The following SCN9A variants were observed in gnomAD, a reference collection of about 807,000 sequenced individuals.
SCN9A encodes sodium channel protein type 9 subunit alpha.
SCN9A carries 131 observed loss-of-function variants against 187.0 expected under a neutral mutation model. The ratio of observed to expected loss-of-function variants is 0.70; its 90% CI spans 0.61 to 0.81. SCN9A has a LOEUF of 0.81. SCN9A is among the 30% of genes least tolerant of loss of function. The probability of loss-of-function intolerance (pLI) is 0.00; values close to 1 mark genes in which losing one functional copy is unlikely to be tolerated. For synonymous variants in SCN9A, 809 were observed against 808.6 expected, an observed-to-expected ratio of 1.00 and a Z score of -0.01; for missense variants, 2,252 against 2,396.6, an observed-to-expected ratio of 0.94 and a Z score of 1.26.
At chr2:166,340,604 T>TTGTTTCTTTC (rs1238316249) in intron 1 of SCN9A, among the ~76,000 whole-genome samples, 1 of 72,022 alleles carries the variant, frequency 1.4e-5, no homozygotes. Context: ...CTTTCTTTCT[T>TTGTTTCTTTC]TTTCTTTCTT....
intron 17 of SCN9A, among the ~76,000 whole-genome samples, chr2:166,254,924 G>A (rs894367344): frequency 1.3e-5 from 2 of 151,378 alleles, no homozygotes; most frequent in African/African-American, 2.4e-5. Flanking sequence ...ACCATAATTA[G>A]CATTCCTGCC....
In SCN9A at chr2:166,199,081, C is replaced by A; in HGVS notation, c.5558G>T (p.Ser1853Ile). The A allele has an allele frequency of 6.2e-7, 1 of 1,614,164 alleles. No homozygotes were observed. The highest frequency in any genetic ancestry group is 8.5e-7 in the Non-Finnish European group (1 of 1,180,048). The change falls in exon 27 of 27, where the codon AGT becomes ATT. Residue 1853 changes from serine (S) to isoleucine (I), a missense_variant. By Grantham distance (142) the Ser-to-Ile change is moderately radical. Transcript: ENST00000642356. The part of the protein sequence containing the change: ...FAFTKRVLGE[S>I]GEMDSLRSQM... The stretch of plus-strand genomic sequence containing the variant: ...TGAACGAAGAGAATCCATCTCCCCA[C>A]TCTCACCCAAAACACGCTTTGTAAA...
chr2:166,337,186 G>A (rs1202606810), intron 1 of SCN9A, among the ~76,000 whole-genome samples: 1 of 152,066 alleles, frequency 6.6e-6, no homozygotes, highest in Non-Finnish European at 1.5e-5. Context: ...AGTTGAACTC[G>A]GGATTCCAGA....
chr2:166,349,059 G>A (rs1315447300), intron 1 of SCN9A, among the ~76,000 whole-genome samples: 5 of 149,724 alleles, frequency 3.3e-5, no homozygotes, highest in Non-Finnish European at 5.9e-5. Context: ...ACCCAGGAGC[G>A]GAGATTGCGG....
At chr2:166,356,960 T>C (rs2105307846) in intron 1 of SCN9A, among the ~76,000 whole-genome samples, 1 of 152,304 alleles carries the variant, frequency 6.6e-6, no homozygotes, top group Non-Finnish European at 1.5e-5. Context: ...TGTGGGCTCT[T>C]TTTGTAACTT....
At chr2:166,207,403 A>T (rs1693858526) in intron 24 of SCN9A, among the ~76,000 whole-genome samples, 1 of 150,614 alleles carries the variant, frequency 6.6e-6, no homozygotes, top group Non-Finnish European at 1.5e-5. Flanking sequence ...TGGTAACCAG[A>T]CTTCCCTTTC....
At position 166,228,879 on chromosome 2, in the gene SCN9A, C is replaced by T; in HGVS notation, c.4018G>A (p.Val1340Ile). ...TAGAACTTGCCAGCAAACAAATTTA[C>T]TCCCATGATGCTGAATATCAGCCAG... ...IFWLIFSIMG[V>I]NLFAGKFYEC... Residue 1340 changes from valine (V) to isoleucine (I), a missense_variant, in exon 22 of 27, where the codon GTA (valine) becomes ATA (isoleucine). Coordinates refer to ENST00000642356, the MANE Select transcript of SCN9A (RefSeq NM_001365536.1). The T allele has an allele frequency of 6.2e-7, 1 of 1,613,646 alleles. No individual in the cohort carries two copies. Among genetic ancestry groups the T allele is most frequent in the South Asian group, 1.1e-5 (1 of 91,086 alleles).
At chr2:166,285,929 T>C (rs1417986624) in intron 11 of SCN9A, among the ~76,000 whole-genome samples, 1 of 152,176 alleles carries the variant, frequency 6.6e-6, no homozygotes, top group African/African-American at 2.4e-5. Flanking sequence ...GGGTGAGTGA[T>C]ACTATTACCT....
rs1693221929 is a variant in SCN9A at position 166,195,566 on chromosome 2, A to G, written c.*3106T>C. 1 of 152,126 alleles carries G rather than the reference A, an allele frequency of 6.6e-6. No individual in the cohort carries two copies. Among genetic ancestry groups the G allele is most frequent in the African/African-American group, 2.4e-5 (1 of 41,434 alleles). The allele number at this position is 152,126 out of a possible 1,614,324, so 9.4% of individuals were successfully genotyped here. A position where few individuals can be genotyped will look rare whatever the true frequency, so the allele number is the denominator to read the frequency against. ...AGCTATTTAGAACTGCTTTATTTAC[A>G]TATGCATTTTATTTTCACTCTTTTT... On this transcript the variant is annotated 3_prime_UTR_variant, in exon 27 of 27. Coordinates refer to ENST00000642356, the MANE Select transcript of SCN9A (RefSeq NM_001365536.1).
chr2:166,371,124 A>G (rs944580404), intron 1 of SCN9A, among the ~76,000 whole-genome samples: 2 of 152,220 alleles, frequency 1.3e-5, no homozygotes, highest in Non-Finnish European at 2.9e-5. Flanking sequence ...TTTTGGCTCC[A>G]TGTTATATCA....
chr2:166,237,254 G>C lies in SCN9A; in HGVS notation c.3801+840C>G, dbSNP rs536626180. ...AAATGATAATAATGGGTATTGTACC[G>C]TTAGTTTCTATTTGAGAGTCCTTGA... On this transcript the variant is annotated intron_variant, in intron 20 of 26. Transcript: ENST00000642356. Among the ~76,000 whole-genome samples, 120 of 151,534 alleles carry C rather than the reference G, an allele frequency of 7.9e-4. No individual in the cohort carries two copies. The South Asian group carries it at 0.024, about 31-fold the overall frequency.
At chr2:166,256,212 C>T (rs1325279294) in intron 17 of SCN9A, among the ~76,000 whole-genome samples, 1 of 151,252 alleles carries the variant, frequency 6.6e-6, no homozygotes, top group Non-Finnish European at 1.5e-5. Context: ...ACATTATCCT[C>T]TTATAGAGTT....
intron 24 of SCN9A, among the ~76,000 whole-genome samples, chr2:166,217,298 G>A (rs541817283): frequency 2.0e-5 from 3 of 151,990 alleles, no homozygotes; most frequent in African/African-American, 7.2e-5. Context: ...ATTTATCTGG[G>A]CAAGGATTTC....
Position 166,311,803 on chromosome 2 carries a change from A to G in SCN9A, c.-47T>C. 1 of 1,495,722 alleles carries G rather than the reference A, an allele frequency of 6.7e-7. No individual in the cohort carries two copies. 92.7% of individuals were successfully genotyped at this position (1,495,722 alleles called of 1,614,324 possible). On this transcript the variant is annotated 5_prime_UTR_variant, in exon 2 of 27. Transcript: ENST00000642356. ...ATTCCTCTTCAGCTCCTCACATAAG[A>G]GGCCTGGATGGAAACAAAGAAATAA...
chr2:166,265,977 CAT>C (rs1398119776), intron 17 of SCN9A, among the ~76,000 whole-genome samples: 2 of 151,780 alleles, frequency 1.3e-5, no homozygotes, highest in Non-Finnish European at 2.9e-5. Context: ...TTATCAGATG[CAT>C]AGTTTACAAA....
At chr2:166,222,945 C>CAAAACAAAAAAAAA (rs1694665971) in intron 24 of SCN9A, among the ~76,000 whole-genome samples, 1 of 44,984 alleles carries the variant, frequency 2.2e-5, no homozygotes, top group Non-Finnish European at 4.0e-5. Flanking sequence ...AAAAAAACAA[C>CAAAACAAAAAAAAA]AAAAAAAAAA....
chr2:166,311,607 G>A lies in SCN9A; in HGVS notation c.150C>T (p.Ser50=). Residue 50 remains serine (S), a synonymous_variant, in exon 2 of 27, where the codon AGC becomes AGT. Coordinates refer to ENST00000642356, the MANE Select transcript of SCN9A (RefSeq NM_001365536.1). ...KDDDEEAPKP[S]SDLEAGKQLP... is the part of the protein sequence containing the mutation. ...GCTGTTTGCCAGCTTCCAAGTCACT[G>A]CTTGGCTTTGGGGCTTCTTCATCAT... is the stretch of plus-strand genomic sequence containing the variant. 2 of 1,613,172 alleles carry A rather than the reference G, an allele frequency of 1.2e-6. No individual in the cohort carries two copies. The highest frequency in any genetic ancestry group is 1.1e-5 in the South Asian group (1 of 91,018).
At chr2:166,305,728 T>C in intron 5 of SCN9A, 64 bp downstream of exon 5, 7 of 1,605,376 alleles carry the variant, frequency 4.4e-6, no homozygotes, top group Admixed American at 1.7e-5. Flanking sequence ...TTTGCTGTTA[T>C]TGGAACACTG....
chr2:166,359,161 G>T (rs989369938), intron 1 of SCN9A, among the ~76,000 whole-genome samples: 3 of 152,032 alleles, frequency 2.0e-5, no homozygotes, highest in African/African-American at 7.2e-5. Flanking sequence ...ATAACATTAT[G>T]TATTAGGGTT....
Sources: allele counts gnomAD v4.1 joint callset (sites outside exome capture counted in the v4.1 genomes callset), GRCh38; gene constraint gnomAD v4.1.1; transcripts MANE v1.5; gene names NCBI Gene and HGNC (gene_info 2026-07-23, HGNC 2026-07-21).